Variants in ARL15 observed in about 807,000 individuals in gnomAD.
ARL15 encodes the protein ARF like GTPase 15.
ARL15 carries 19 observed loss-of-function variants against 25.2 expected under a neutral mutation model. The ratio of observed to expected loss-of-function variants is 0.75; its 90% CI spans 0.53 to 1.10. The LOEUF is 1.10. ARL15 is among the 50% of genes least tolerant of loss of function. ARL15 has a pLI of 0.00. For missense variants in ARL15, 220 were observed against 246.0 expected, an observed-to-expected ratio of 0.89 and a Z score of 0.71; for synonymous variants, 94 against 86.8, an observed-to-expected ratio of 1.08 and a Z score of -0.46.
At chr5:53,981,019 C>T (rs544082132) in intron 4 of ARL15, among the ~76,000 whole-genome samples, 10 of 152,168 alleles carry the variant, frequency 6.6e-5, no homozygotes, top group African/African-American at 2.4e-4. Flanking sequence ...CTGCCCTGCC[C>T]CCTTTGCCAG....
intron 4 of ARL15, among the ~76,000 whole-genome samples, chr5:54,112,494 T>A (rs1752770960): frequency 6.6e-6 from 1 of 152,182 alleles, no homozygotes; most frequent in South Asian, 2.1e-4. Context: ...AAGGAATACA[T>A]CAGGAGTTTT....
intron 3 of ARL15, among the ~76,000 whole-genome samples, chr5:54,118,040 G>A (rs1308207094): frequency 1.3e-5 from 2 of 152,130 alleles, no homozygotes; most frequent in Non-Finnish European, 2.9e-5. Flanking sequence ...AATGCATGAT[G>A]TTACAAAACC....
intron 4 of ARL15, among the ~76,000 whole-genome samples, chr5:54,091,911 T>A (rs969619791): frequency 2.0e-5 from 3 of 152,188 alleles, no homozygotes; most frequent in Non-Finnish European, 2.9e-5. Context: ...TGCCAGCCTC[T>A]GCCTTTCTGG....
At chr5:54,134,623 T>A (rs551878397) in intron 3 of ARL15, among the ~76,000 whole-genome samples, 111 of 121,418 alleles carry the variant, frequency 9.1e-4, no homozygotes, top group Admixed American at 5.4e-3. Context: ...TCTTGCTCTC[T>A]CGCCAGGCTG....
At chr5:54,150,980 G>A (rs911318822) in intron 3 of ARL15, among the ~76,000 whole-genome samples, 1 of 152,118 alleles carries the variant, frequency 6.6e-6, no homozygotes, top group African/African-American at 2.4e-5. Flanking sequence ...TGCTGTAGGT[G>A]TAGAGTGCAC....
intron 1 of ARL15, among the ~76,000 whole-genome samples, chr5:54,183,838 T>C (rs535012959): frequency 6.6e-6 from 1 of 151,262 alleles, no homozygotes; most frequent in African/African-American, 2.4e-5. Context: ...TAGCAAAGAC[T>C]TGGAACCAAC....
At chr5:54,176,519 T>A (rs962403250) in intron 1 of ARL15, among the ~76,000 whole-genome samples, 1 of 152,226 alleles carries the variant, frequency 6.6e-6, no homozygotes, top group Non-Finnish European at 1.5e-5. Context: ...AAGTTCATTG[T>A]GTGTGTCTCC....
chr5:54,197,947 A>C (rs1755600662), intron 1 of ARL15, among the ~76,000 whole-genome samples: 1 of 152,072 alleles, frequency 6.6e-6, no homozygotes. Flanking sequence ...CTTATCCACC[A>C]TGATCAAGTG....
At chr5:54,184,691 A>C (rs1755187613) in intron 1 of ARL15, among the ~76,000 whole-genome samples, 1 of 151,648 alleles carries the variant, frequency 6.6e-6, no homozygotes, top group East Asian at 1.9e-4. Context: ...ATCCTATTCT[A>C]TTCTTCACTT....
At chr5:54,048,631 G>A (rs1417356103) in intron 4 of ARL15, among the ~76,000 whole-genome samples, 4 of 151,646 alleles carry the variant, frequency 2.6e-5, no homozygotes, top group Non-Finnish European at 4.4e-5. Context: ...TCGAACTCCT[G>A]ACCTCAAGTG....
At chr5:53,917,358 G>A (rs528120429) in intron 4 of ARL15, among the ~76,000 whole-genome samples, 2 of 152,286 alleles carry the variant, frequency 1.3e-5, no homozygotes, top group South Asian at 4.2e-4. Flanking sequence ...GCCTGGATGG[G>A]CCCCTAGTGG....
chr5:54,013,438 A>T (rs1486692567), intron 4 of ARL15, among the ~76,000 whole-genome samples: 1 of 152,236 alleles, frequency 6.6e-6, no homozygotes, highest in African/African-American at 2.4e-5. Flanking sequence ...TGAAACAATG[A>T]TGATGCTAGT....
At chr5:54,094,059 T>G (rs1250093243) in intron 4 of ARL15, among the ~76,000 whole-genome samples, 1 of 152,168 alleles carries the variant, frequency 6.6e-6, no homozygotes, top group Admixed American at 6.6e-5. Flanking sequence ...ATGATTACCC[T>G]AGAGACACAG....
intron 4 of ARL15, among the ~76,000 whole-genome samples, chr5:53,926,076 C>T (rs76881060): frequency 1.4e-3 from 201 of 148,216 alleles, no homozygotes; most frequent in Middle Eastern, 3.5e-3. Flanking sequence ...GATACATCAT[C>T]GCAATCCAAG....
Position 54,171,889 on chromosome 5 carries a change from G to C in ARL15, c.88C>G (p.Arg30Gly), listed in dbSNP as rs747993020. 3 of 1,613,468 alleles carry C rather than the reference G, an allele frequency of 1.9e-6. No individual in the cohort carries two copies. Among genetic ancestry groups the C allele is most frequent in the African/African-American group, 1.3e-5 (1 of 75,006 alleles). ...ATGCAAACCAGGTCATATTCTGGTCGTGCAGGTGGTGGTCCCTTGCAGCAA... is the reference window on the plus strand; with the variant it reads ...ATGCAAACCAGGTCATATTCTGGTCCTGCAGGTGGTGGTCCCTTGCAGCAA... ...ALCCKGPPPA[R>G]PEYDLVCIGL... is the part of the protein sequence containing the mutation. The change falls in exon 2 of 5, where the codon CGA becomes GGA. Residue 30 changes from arginine (R) to glycine (G), a missense_variant. Arg to Gly is a moderately radical substitution (Grantham distance 125). Coordinates refer to ENST00000504924, the MANE Select transcript of ARL15 (RefSeq NM_019087.3).
chr5:53,947,151 G>A (rs897813654), intron 4 of ARL15, among the ~76,000 whole-genome samples: 1 of 147,750 alleles, frequency 6.8e-6, no homozygotes, highest in African/African-American at 2.5e-5. Flanking sequence ...TCTAGCCAAA[G>A]AGAAAAATAA....
chr5:54,068,953 C>A (rs954110790), intron 4 of ARL15, among the ~76,000 whole-genome samples: 1 of 152,076 alleles, frequency 6.6e-6, no homozygotes, highest in Admixed American at 6.6e-5. Flanking sequence ...CAGAATAGTA[C>A]CTAATACGAT....
chr5:53,907,477 TATATATATATA>T (rs1383993905), intron 4 of ARL15, among the ~76,000 whole-genome samples: 1 of 32,396 alleles, frequency 3.1e-5, no homozygotes, highest in African/African-American at 1.3e-4. Flanking sequence ...TATATATATA[TATATATATATA>T]TTTTTTTTTT....
intron 4 of ARL15, among the ~76,000 whole-genome samples, chr5:53,985,698 C>G (rs1351152925): frequency 1.3e-5 from 2 of 152,156 alleles, no homozygotes; most frequent in East Asian, 3.8e-4. Flanking sequence ...AGTACATTTG[C>G]TTATCTATTC....
Sources: gnomAD v4.1 joint callset for allele counts (sites outside exome capture counted in the v4.1 genomes callset) on GRCh38, gnomAD v4.1.1 for gene constraint, MANE v1.5 for transcripts, NCBI Gene and HGNC (gene_info 2026-07-23, HGNC 2026-07-21) for gene names.